Variants in SLC35F3 observed in about 807,000 individuals in gnomAD.
The protein encoded by SLC35F3 is solute carrier family 35 member F3.
SLC35F3 carries 25 observed loss-of-function variants against 49.9 expected under a neutral mutation model. That is an observed-to-expected ratio of 0.50 (90% CI 0.37 to 0.70). SLC35F3 has a LOEUF of 0.70. Ranked by LOEUF, SLC35F3 falls within the 30% of genes least tolerant of loss-of-function variation. SLC35F3 has a pLI of 0.00. For missense variants in SLC35F3, 525 were observed against 639.8 expected (o/e 0.82, Z 1.94); for synonymous variants, 275 against 265.4 (o/e 1.04, Z -0.35).
At chr1:234,260,207 T>C (rs1442291950) in intron 3 of SLC35F3, among the ~76,000 whole-genome samples, 1 of 152,196 alleles carries the variant, frequency 6.6e-6, no homozygotes, top group Non-Finnish European at 1.5e-5. Flanking sequence ...CAGGGTTTAG[T>C]GTGTAGAAGA....
chr1:234,118,420 G>A lies in SLC35F3; in HGVS notation c.284-112997G>A, dbSNP rs774142729. On this transcript the variant is annotated intron_variant, in intron 2 of 7. Coordinates refer to ENST00000366618, the MANE Select transcript of SLC35F3 (RefSeq NM_173508.4). ...TTTAATGATCCTTTCAAATTCAGGGGTCAGCAAACTTTGGCTGGAAGTTCA... is the reference window on the plus strand; with the variant it reads ...TTTAATGATCCTTTCAAATTCAGGGATCAGCAAACTTTGGCTGGAAGTTCA... 2.6e-5 allele frequency among the ~76,000 whole-genome samples: 4 copies of A among 152,140 alleles called. No homozygotes were observed. The East Asian group carries it at 7.7e-4, about 29-fold the overall frequency.
At chr1:234,127,205 T>C (rs1041383580) in intron 2 of SLC35F3, among the ~76,000 whole-genome samples, 2 of 152,242 alleles carry the variant, frequency 1.3e-5, no homozygotes, top group African/African-American at 4.8e-5. Context: ...CTGACTGGAA[T>C]AATCAATTTT....
Position 234,231,386 on chromosome 1 carries a change from GC to G in SLC35F3, c.284-27del. The G allele has an allele frequency of 1.4e-6, 2 of 1,463,008 alleles. No individual in the cohort carries two copies. Among genetic ancestry groups the G allele is most frequent in the Non-Finnish European group, 9.0e-7 (1 of 1,105,112 alleles). 90.6% of individuals were successfully genotyped at this position (1,463,008 alleles called of 1,614,324 possible). ...GAAGTGCAGGGGTGAAGGTCTGCAGGCCCCGCTAACCACGCCCTTCTCTTCC... is the reference window on the plus strand; with the variant it reads ...GAAGTGCAGGGGTGAAGGTCTGCAGGCCCGCTAACCACGCCCTTCTCTTCC... On this transcript the variant is annotated intron_variant, in intron 2 of 7. Transcript: ENST00000366618. The surrounding 1 kb of genome is among the most constrained non-coding windows in gnomAD (Gnocchi z 5.4).
intron 2 of SLC35F3, among the ~76,000 whole-genome samples, chr1:234,140,656 C>T (rs1478101415): frequency 6.0e-5 from 9 of 150,644 alleles, no homozygotes; most frequent in Non-Finnish European, 3.0e-5. Context: ...AAACGGCAGA[C>T]GAACACTCAG....
chr1:234,059,975 C>A (rs1288458617), intron 2 of SLC35F3, among the ~76,000 whole-genome samples: 1 of 152,222 alleles, frequency 6.6e-6, no homozygotes, highest in Non-Finnish European at 1.5e-5. Context: ...AAATGTTAAT[C>A]TCCTTTGGCA....
intron 2 of SLC35F3, among the ~76,000 whole-genome samples, chr1:234,001,168 G>A (rs969843059): frequency 2.6e-5 from 4 of 152,152 alleles, no homozygotes; most frequent in African/African-American, 9.7e-5. Flanking sequence ...GGATGGCAAG[G>A]CAAACATCTG....
intron 2 of SLC35F3, among the ~76,000 whole-genome samples, chr1:234,124,063 G>C (rs1007890846): frequency 2.0e-5 from 3 of 152,196 alleles, no homozygotes; most frequent in African/African-American, 7.2e-5. Flanking sequence ...AGAGCCAGAA[G>C]CAAAGATATG....
In SLC35F3 at chr1:234,316,138, T is replaced by C. The variant is rs140113367; in HGVS notation, c.829-464T>C. ...AAAATGGGGAAAAGATCTGCTGTCC[T>C]CCTGGTGGCTTCCCTGTTGAGATAT... On this transcript the variant is annotated intron_variant, in intron 4 of 7. Transcript: ENST00000366618. Among the ~76,000 whole-genome samples, 3 of 152,332 alleles carry C rather than the reference T, an allele frequency of 2.0e-5. No homozygotes were observed. The East Asian group carries it at 5.8e-4, about 29-fold the overall frequency.
At chr1:234,123,702 G>A (rs1383485064) in intron 2 of SLC35F3, among the ~76,000 whole-genome samples, 1 of 151,992 alleles carries the variant, frequency 6.6e-6, no homozygotes, top group Non-Finnish European at 1.5e-5. Context: ...ACAGGTATCA[G>A]CCACCATGCC....
intron 2 of SLC35F3, among the ~76,000 whole-genome samples, chr1:233,942,382 T>C (rs186746492): frequency 0.03 from 4,535 of 152,252 alleles, 127 homozygotes; most frequent in African/African-American, 0.081. Context: ...ACCTGTGATA[T>C]GAGCACTTAA....
chr1:234,052,249 C>T (rs893212501), intron 2 of SLC35F3, among the ~76,000 whole-genome samples: 1 of 152,182 alleles, frequency 6.6e-6, no homozygotes, highest in African/African-American at 2.4e-5. Context: ...TAGAATTTGG[C>T]TGTGAATCCG....
At chr1:234,268,256 C>A (rs2102972672) in intron 3 of SLC35F3, among the ~76,000 whole-genome samples, 1 of 152,298 alleles carries the variant, frequency 6.6e-6, no homozygotes, top group Admixed American at 6.5e-5. Flanking sequence ...AGCTGGAGAC[C>A]AGCCCGGCCA....
At chr1:233,914,078 C>T (rs973157860) in intron 2 of SLC35F3, among the ~76,000 whole-genome samples, 2 of 152,094 alleles carry the variant, frequency 1.3e-5, no homozygotes, top group Admixed American at 6.6e-5. Flanking sequence ...CCTTAACTGC[C>T]CTGTACTACA....
intron 3 of SLC35F3, among the ~76,000 whole-genome samples, chr1:234,235,198 T>A (rs1667445351): frequency 6.6e-6 from 1 of 152,192 alleles, no homozygotes; most frequent in Non-Finnish European, 1.5e-5. Context: ...CCTGCCTTAG[T>A]CTTCCTAGCA....
chr1:233,932,470 G>A (rs180776253), intron 2 of SLC35F3, among the ~76,000 whole-genome samples: 19 of 152,188 alleles, frequency 1.2e-4, no homozygotes, highest in East Asian at 5.8e-4. Flanking sequence ...ATGATCCGAC[G>A]AGTGGATACA....
intron 2 of SLC35F3, among the ~76,000 whole-genome samples, chr1:234,224,228 C>A (rs923300077): frequency 2.0e-5 from 3 of 152,116 alleles, no homozygotes; most frequent in African/African-American, 7.2e-5. Context: ...CCATGCGCAG[C>A]TAATTTTTTG....
At chr1:234,151,533 A>G (rs1273515623) in intron 2 of SLC35F3, among the ~76,000 whole-genome samples, 1 of 151,594 alleles carries the variant, frequency 6.6e-6, no homozygotes, top group Non-Finnish European at 1.5e-5. Context: ...TAAGATGTGA[A>G]AAAAAAAACC....
At chr1:234,041,305 T>C (rs1664216193) in intron 2 of SLC35F3, among the ~76,000 whole-genome samples, 1 of 152,176 alleles carries the variant, frequency 6.6e-6, no homozygotes, top group Non-Finnish European at 1.5e-5. Flanking sequence ...CAGGGATCCA[T>C]GATCATCCTT....
chr1:233,906,087 G>A (rs887815927), intron 2 of SLC35F3, among the ~76,000 whole-genome samples: 1 of 152,232 alleles, frequency 6.6e-6, no homozygotes. Context: ...ATCCCGGACA[G>A]TGTGGCTTCC....
Sources: allele counts gnomAD v4.1 joint callset (sites outside exome capture counted in the v4.1 genomes callset), GRCh38; gene constraint gnomAD v4.1.1; non-coding constraint Gnocchi (gnomAD v3.1); transcripts MANE v1.5; gene names NCBI Gene and HGNC (gene_info 2026-07-23, HGNC 2026-07-21).